The following ELAVL1 variants were observed in gnomAD, a reference collection of about 807,000 sequenced individuals.
ELAVL1 encodes the protein ELAV-like protein 1.
In ELAVL1, 1 loss-of-function variant was observed where a neutral mutation model predicts 28.4. The observed-to-expected ratio is 0.04, with a 90% CI of 0.01 to 0.17. The LOEUF (loss-of-function observed/expected upper bound fraction) is 0.17, where lower values mean the gene tolerates loss of function less well. ELAVL1 is among the 10% of genes least tolerant of loss of function. The pLI, the probability that ELAVL1 is intolerant of heterozygous loss-of-function variation, is 1.00. For synonymous variants in ELAVL1, 174 were observed against 183.5 expected (o/e 0.95, Z 0.42); for missense variants, 157 against 447.2 (o/e 0.35, Z 5.85).
chr19:7,980,831 G>C (rs551520026), intron 3 of ELAVL1, among the ~76,000 whole-genome samples: 24 of 152,292 alleles, frequency 1.6e-4, no homozygotes, highest in Admixed American at 1.5e-3. Flanking sequence ...GGAACACAGA[G>C]AGCCAGGCAG....
intron 4 of ELAVL1, among the ~76,000 whole-genome samples, chr19:7,969,012 A>G (rs17261137): frequency 0.23 from 35,264 of 152,094 alleles, 4,392 homozygotes; most frequent in Non-Finnish European, 0.29. Context: ...GGCGGGAGTC[A>G]CGGGTGTGTC....
chr19:7,970,755 G>A (rs778460603), intron 4 of ELAVL1, among the ~76,000 whole-genome samples: 26 of 151,536 alleles, frequency 1.7e-4, no homozygotes, highest in South Asian at 8.3e-4. Flanking sequence ...AGAGTTGGGG[G>A]TCTCGCTATG....
chr19:7,976,821 T>A (rs1447951257), intron 3 of ELAVL1, among the ~76,000 whole-genome samples: 1 of 151,534 alleles, frequency 6.6e-6, no homozygotes, highest in African/African-American at 2.4e-5. Flanking sequence ...ACTGCGTTGA[T>A]CATGACCTGA....
rs936962875 is a variant in ELAVL1 at position 7,958,694 on chromosome 19, G to T, written c.*4789C>A. ...AACTGAGTATCGGGACAATTGAGTCGTTGGAACTGTAAGCCACGCCCCAAA... is the reference window on the plus strand; with the variant it reads ...AACTGAGTATCGGGACAATTGAGTCTTTGGAACTGTAAGCCACGCCCCAAA... On this transcript the variant is annotated 3_prime_UTR_variant, in exon 6 of 6. Coordinates refer to ENST00000407627, the MANE Select transcript of ELAVL1 (RefSeq NM_001419.3). The T allele has an allele frequency of 3.3e-5, 5 of 152,456 alleles. No individual in the cohort carries two copies. The highest frequency in any genetic ancestry group is 3.3e-4 in the Admixed American group (5 of 15,300). The allele number at this position is 152,456 out of a possible 1,614,324, so 9.4% of individuals were successfully genotyped here. A position where few individuals can be genotyped will look rare whatever the true frequency, so the allele number is the denominator to read the frequency against.
chr19:7,991,943 TTTTTG>T, intron 1 of ELAVL1, 112 bp from the exon 2 acceptor site: 2 of 1,044,130 alleles, frequency 1.9e-6, no homozygotes, highest in East Asian at 3.0e-5. Context: ...TTTTTTTTTT[TTTTTG>T]TTTTGTTTTT....
chr19:7,981,623 G>A lies in ELAVL1; in HGVS notation c.173-437C>T, dbSNP rs1349799498. On this transcript the variant is annotated intron_variant, in intron 2 of 5. Transcript: ENST00000407627. This position sits in a 1 kb window ranked among gnomAD's most constrained non-coding sequence, Gnocchi z 4.2. ...AATCCTCCCACCTCGGCCCCACCTC[G>A]ACCTCCCAAAGTGTTGGGATTACAG... 1.3e-5 allele frequency among the ~76,000 whole-genome samples: 2 copies of A among 152,056 alleles called. No individual in the cohort carries two copies. The highest frequency in any genetic ancestry group is 2.9e-5 in the Non-Finnish European group (2 of 68,018).
chr19:8,003,035 G>A (rs1183278913), intron 1 of ELAVL1, among the ~76,000 whole-genome samples: 1 of 152,174 alleles, frequency 6.6e-6, no homozygotes, highest in Non-Finnish European at 1.5e-5. Flanking sequence ...AGCGGAGAGT[G>A]AGAGAGGCAA....
chr19:7,969,447 G>A (rs900119004), intron 4 of ELAVL1, among the ~76,000 whole-genome samples: 10 of 152,232 alleles, frequency 6.6e-5, no homozygotes, highest in Middle Eastern at 6.8e-3. Context: ...CAGGCCCCCC[G>A]TGAGCACAGA....
Position 7,961,465 on chromosome 19 carries a change from C to T in ELAVL1, c.*2018G>A, listed in dbSNP as rs533430541. 1 of 152,310 alleles carries T rather than the reference C, an allele frequency of 6.6e-6. No individual in the cohort carries two copies. Among genetic ancestry groups the T allele is most frequent in the African/African-American group, 2.4e-5 (1 of 41,542 alleles). 9.4% of individuals were successfully genotyped at this position (152,310 alleles called of 1,614,324 possible). On this transcript the variant is annotated 3_prime_UTR_variant, in exon 6 of 6. Coordinates refer to ENST00000407627, the MANE Select transcript of ELAVL1 (RefSeq NM_001419.3). ...CCCACCTTCCATCAGAAGATGCTGGCCCAGGGAAACCTGAAAGGCTTCTTT... is the reference window on the plus strand; with the variant it reads ...CCCACCTTCCATCAGAAGATGCTGGTCCAGGGAAACCTGAAAGGCTTCTTT...
Position 7,963,463 on chromosome 19 carries a change from C to CA in ELAVL1, c.*19dup, listed in dbSNP as rs574434409. On this transcript the variant is annotated 3_prime_UTR_variant, in exon 6 of 6. Coordinates refer to ENST00000407627, the MANE Select transcript of ELAVL1 (RefSeq NM_001419.3). This position sits in a 1 kb window ranked among gnomAD's most constrained non-coding sequence, Gnocchi z 4.5. The stretch of plus-strand genomic sequence containing the variant: ...TTCACTCTTAATTATCTATTCCGTA[C>CA]AAAAAAAAGCATGAGCGAGTTATTT... 1.7e-3 allele frequency: 2,630 copies of CA among 1,593,906 alleles called. 3 individuals carry two copies. Among genetic ancestry groups the CA allele is most frequent in the Non-Finnish European group, 2.2e-3 (2,510 of 1,166,838 alleles).
intron 3 of ELAVL1, among the ~76,000 whole-genome samples, chr19:7,978,933 C>A (rs1211920673): frequency 6.6e-6 from 1 of 152,190 alleles, no homozygotes; most frequent in African/African-American, 2.4e-5. Flanking sequence ...CCATCCAGGC[C>A]CTTATCACAC....
At chr19:7,969,349 C>G (rs753769092) in intron 4 of ELAVL1, among the ~76,000 whole-genome samples, 33 of 152,192 alleles carry the variant, frequency 2.2e-4, no homozygotes, top group Non-Finnish European at 4.6e-4. Context: ...CCCAACTGTC[C>G]CCATGTCCTG....
In ELAVL1 at chr19:7,979,917, G is replaced by C. The variant is rs1985407174; in HGVS notation, c.276+1166C>G. Among the ~76,000 whole-genome samples, 1 of 152,188 alleles carries C rather than the reference G, an allele frequency of 6.6e-6. No individual in the cohort carries two copies. The highest frequency in any genetic ancestry group is 6.5e-5 in the Admixed American group (1 of 15,284). On this transcript the variant is annotated intron_variant, in intron 3 of 5. Coordinates refer to ENST00000407627, the MANE Select transcript of ELAVL1 (RefSeq NM_001419.3). This position sits in a 1 kb window ranked among gnomAD's most constrained non-coding sequence, Gnocchi z 5.4. ...GTCACAGAACCCCTCTTGGTGGGCA[G>C]GCAAAAATCCAGGCTCCCAGGCCCA...
At chr19:7,977,029 T>C (rs915681036) in intron 3 of ELAVL1, among the ~76,000 whole-genome samples, 2 of 152,066 alleles carry the variant, frequency 1.3e-5, no homozygotes, top group African/African-American at 4.8e-5. Context: ...AAACAGACTC[T>C]GTGAGGGCCA....
intron 1 of ELAVL1, among the ~76,000 whole-genome samples, chr19:7,999,702 C>A (rs2081060997): frequency 6.6e-6 from 1 of 152,168 alleles, no homozygotes; most frequent in Admixed American, 6.5e-5. Context: ...CCCACCTAAG[C>A]CTCCCAAGTA....
At chr19:7,970,323 G>GA (rs1356019476) in intron 4 of ELAVL1, among the ~76,000 whole-genome samples, 1 of 152,138 alleles carries the variant, frequency 6.6e-6, no homozygotes, top group Non-Finnish European at 1.5e-5. Context: ...GCCTGGCTAA[G>GA]TTTTTGTATT....
In ELAVL1 at chr19:7,979,939, C is replaced by G. The variant is rs1985407825; in HGVS notation, c.276+1144G>C. ...GCAGGCAAAAATCCAGGCTCCCAGGCCCACCCTGCAGTGACTCAGGAGGCC... is the reference window on the plus strand; with the variant it reads ...GCAGGCAAAAATCCAGGCTCCCAGGGCCACCCTGCAGTGACTCAGGAGGCC... On this transcript the variant is annotated intron_variant, in intron 3 of 5. Coordinates refer to ENST00000407627, the MANE Select transcript of ELAVL1 (RefSeq NM_001419.3). The surrounding 1 kb of genome is among the most constrained non-coding windows in gnomAD (Gnocchi z 5.4). 6.6e-6 allele frequency among the ~76,000 whole-genome samples: 1 copy of G among 152,172 alleles called. No homozygotes were observed. Among genetic ancestry groups the G allele is most frequent in the Non-Finnish European group, 1.5e-5 (1 of 68,022 alleles).
chr19:7,963,389 A>G lies in ELAVL1; in HGVS notation c.*94T>C. The G allele has an allele frequency of 7.0e-7, 1 of 1,438,666 alleles. No homozygotes were observed. Among genetic ancestry groups the G allele is most frequent in the South Asian group, 1.4e-5 (1 of 70,988 alleles). The allele number at this position is 1,438,666 out of a possible 1,614,324, so 89.1% of individuals were successfully genotyped here. A position where few individuals can be genotyped will look rare whatever the true frequency, so the allele number is the denominator to read the frequency against. On this transcript the variant is annotated 3_prime_UTR_variant, in exon 6 of 6. Transcript: ENST00000407627. The surrounding 1 kb of genome is among the most constrained non-coding windows in gnomAD (Gnocchi z 4.5). The stretch of plus-strand genomic sequence containing the variant: ...ATTCAGACAAAGACAAACACTTGTG[A>G]AAATTGGCGCAAAATGAGTTGTACA...
At chr19:7,991,350 C>T (rs1041078288) in intron 2 of ELAVL1, among the ~76,000 whole-genome samples, 2 of 152,220 alleles carry the variant, frequency 1.3e-5, no homozygotes, top group African/African-American at 4.8e-5. Flanking sequence ...TGTGGTTCTC[C>T]AGCCCCTTCC....
Sources: gnomAD v4.1 joint callset for allele counts (sites outside exome capture counted in the v4.1 genomes callset) on GRCh38, gnomAD v4.1.1 for gene constraint, Gnocchi (gnomAD v3.1) non-coding constraint, MANE v1.5 for transcripts, NCBI Gene and HGNC (gene_info 2026-07-23, HGNC 2026-07-21) for gene names.